The following SAMD9L variants were observed in gnomAD, a reference collection of about 807,000 sequenced individuals.
SAMD9L encodes the protein sterile alpha motif domain-containing protein 9-like.
In SAMD9L, 68 loss-of-function variants were observed where a neutral mutation model predicts 90.7. The ratio of observed to expected loss-of-function variants is 0.75; its 90% CI spans 0.62 to 0.92. SAMD9L has a LOEUF of 0.92. Among genes scored for constraint, SAMD9L ranks in the 40% least tolerant of loss-of-function variants. The pLI is 0.00. For synonymous variants in SAMD9L, 640 were observed against 630.1 expected, an observed-to-expected ratio of 1.02 and a Z score of -0.23; for missense variants, 1,604 against 1,824.3, an observed-to-expected ratio of 0.88 and a Z score of 2.20.
rs762404990 is a variant in SAMD9L at position 93,132,479 on chromosome 7, C to A, written c.3493G>T (p.Glu1165Ter). Reference sequence around the variant, plus strand: ...TTACTATCAGTTTGCCTTTGGGATTCTTTGAAAGCTCTTGAGGCTTTTTCC... The same window carrying A: ...TTACTATCAGTTTGCCTTTGGGATTATTTGAAAGCTCTTGAGGCTTTTTCC... ...AAEKASRAFK[E>*]SQRQTDSKNY... The change falls in exon 5 of 5, where the codon GAA becomes TAA. Residue 1165 changes from glutamate (E) to a stop codon, truncating the protein, a stop_gained. Transcript: ENST00000318238. LOFTEE classifies it high-confidence loss of function. The A allele has an allele frequency of 9.3e-6, 15 of 1,613,556 alleles. No homozygotes were observed. Among genetic ancestry groups the A allele is most frequent in the Non-Finnish European group, 1.2e-5 (14 of 1,179,776 alleles).
In SAMD9L at chr7:93,131,983, T is replaced by A; in HGVS notation, c.3989A>T (p.Lys1330Ile). 6.2e-7 allele frequency: 1 copy of A among 1,611,768 alleles called. No individual in the cohort carries two copies. Among genetic ancestry groups the A allele is most frequent in the Non-Finnish European group, 8.5e-7 (1 of 1,179,354 alleles). Reference protein sequence around the residue: ...SQLLQEENCRKKLEALRADRF... With the variant: ...SQLLQEENCRIKLEALRADRF... ...ATCTGCTCTCAGAGCTTCTAGCTTT[T>A]TCCTGCAATTCTCCTCCTGGAGTAA... Residue 1330 changes from lysine (K) to isoleucine (I), a missense_variant, in exon 5 of 5, where the codon AAA (lysine) becomes ATA (isoleucine). This residue lies in a region of SAMD9L where 282 missense variants were observed against 329.6 expected (regional missense o/e 0.86). Transcript: ENST00000318238.
chr7:93,136,733 G>T (rs1792469219), intron 4 of SAMD9L, among the ~76,000 whole-genome samples: 1 of 152,344 alleles, frequency 6.6e-6, no homozygotes. Context: ...TGAATGGCAA[G>T]AGCTGCCTAT....
rs1792036416 is a variant in SAMD9L, at chr7:93,130,427, G to C, written c.*790C>G. On this transcript the variant is annotated 3_prime_UTR_variant, in exon 5 of 5. Transcript: ENST00000318238. ...GCATGTATATAGCACAGGTTGAGAAGTAAAGGGAACAAAGAGGGTAATGAA... is the reference window on the plus strand; with the variant it reads ...GCATGTATATAGCACAGGTTGAGAACTAAAGGGAACAAAGAGGGTAATGAA... The C allele has an allele frequency of 6.6e-6, 1 of 152,180 alleles. No individual in the cohort carries two copies. The highest frequency in any genetic ancestry group is 2.1e-4 in the South Asian group (1 of 4,828). The allele number at this position is 152,180 out of a possible 1,614,324, so 9.4% of individuals were successfully genotyped here.
Position 93,135,889 on chromosome 7 carries a change from T to C in SAMD9L, c.83A>G (p.Lys28Arg). Residue 28 changes from lysine to arginine, a missense_variant, in exon 5 of 5, where the codon AAG becomes AGG. Coordinates refer to ENST00000318238, the MANE Select transcript of SAMD9L (RefSeq NM_152703.5). Reference sequence around the variant, plus strand: ...AATTTGCCCGTATTGCTCATTAATCTTAAGGTCTTCATTTACCCATTTTTT... The same window carrying C: ...AATTTGCCCGTATTGCTCATTAATCCTAAGGTCTTCATTTACCCATTTTTT... Reference protein sequence around the residue: ...HVKKWVNEDLKINEQYGQILL... With the variant: ...HVKKWVNEDLRINEQYGQILL... The C allele has an allele frequency of 6.2e-7, 1 of 1,613,786 alleles. No homozygotes were observed. The highest frequency in any genetic ancestry group is 8.5e-7 in the Non-Finnish European group (1 of 1,179,888).
Position 93,132,966 on chromosome 7 carries a change from T to C in SAMD9L, c.3006A>G (p.Arg1002=), listed in dbSNP as rs1244638168. ...IALYCLKELE[R]SYHLDKCQIA... is the part of the protein sequence containing the mutation. ...TTTGACATTTATCCAAGTGATAGCT[T>C]CTTTCCAGTTCTTTTAGACAGTACA... Residue 1002 remains arginine, a synonymous_variant, in exon 5 of 5, where the codon AGA becomes AGG. Coordinates refer to ENST00000318238, the MANE Select transcript of SAMD9L (RefSeq NM_152703.5). 6.2e-7 allele frequency: 1 copy of C among 1,613,516 alleles called. No homozygotes were observed. The highest frequency in any genetic ancestry group is 8.5e-7 in the Non-Finnish European group (1 of 1,179,674).
Position 93,146,386 on chromosome 7 carries a change from A to C in SAMD9L, c.-778-346T>G, listed in dbSNP as rs77706229. On this transcript the variant is annotated intron_variant, in intron 2 of 4. Transcript: ENST00000318238. Reference sequence around the variant, plus strand: ...TTTATCCCACCTCCCAACATTTCCTATCCCTCTTCTGGCTTCATTTTTTAT... The same window carrying C: ...TTTATCCCACCTCCCAACATTTCCTCTCCCTCTTCTGGCTTCATTTTTTAT... 5.4e-3 allele frequency among the ~76,000 whole-genome samples: 829 copies of C among 152,244 alleles called. 18 individuals carry two copies. Among genetic ancestry groups the C allele is most frequent in the Admixed American group, 0.026 (398 of 15,300 alleles).
chr7:93,146,036 T>A lies in SAMD9L; in HGVS notation c.-774A>T, dbSNP rs1792878194. The stretch of plus-strand genomic sequence containing the variant: ...GGACTTCTCAAAAAAGCAGCCGGAA[T>A]GACCCTGTTAAAATGTAAACATCAT... On this transcript the variant is annotated 5_prime_UTR_variant, in exon 3 of 5. Coordinates refer to ENST00000318238, the MANE Select transcript of SAMD9L (RefSeq NM_152703.5). 6.6e-6 allele frequency: 1 copy of A among 152,266 alleles called. No individual in the cohort carries two copies. Among genetic ancestry groups the A allele is most frequent in the South Asian group, 2.1e-4 (1 of 4,830 alleles). 9.4% of individuals were successfully genotyped at this position (152,266 alleles called of 1,614,324 possible). A position where few individuals can be genotyped will look rare whatever the true frequency, so the allele number is the denominator to read the frequency against.
At position 93,131,980 on chromosome 7, in the gene SAMD9L, T is replaced by G; in HGVS notation, c.3992A>C (p.Lys1331Thr). 9 of 1,611,750 alleles carry G rather than the reference T, an allele frequency of 5.6e-6. No individual in the cohort carries two copies. Among genetic ancestry groups the G allele is most frequent in the Non-Finnish European group, 7.6e-6 (9 of 1,179,356 alleles). ...QLLQEENCRK[K>T]LEALRADRFA... ...CCTATCTGCTCTCAGAGCTTCTAGCTTTTTCCTGCAATTCTCCTCCTGGAG... is the reference window on the plus strand; with the variant it reads ...CCTATCTGCTCTCAGAGCTTCTAGCGTTTTCCTGCAATTCTCCTCCTGGAG... The change falls in exon 5 of 5, where the codon AAG (lysine) becomes ACG (threonine). Residue 1331 changes from lysine (K) to threonine (T), a missense_variant. Lys to Thr is a moderately conservative substitution (Grantham distance 78). Around this residue, in one of 7 missense-constraint regions of SAMD9L, gnomAD observed 282 missense variants for 329.6 expected, o/e 0.86. Transcript: ENST00000318238.
chr7:93,138,301 T>C (rs1035728556), intron 4 of SAMD9L, among the ~76,000 whole-genome samples: 1 of 152,238 alleles, frequency 6.6e-6, no homozygotes, highest in Non-Finnish European at 1.5e-5. Flanking sequence ...TCATTCATTC[T>C]ACACATATTT....
Position 93,135,788 on chromosome 7 carries a change from A to G in SAMD9L, c.184T>C (p.Trp62Arg), listed in dbSNP as rs781141608. The G allele has an allele frequency of 7.4e-6, 12 of 1,613,936 alleles. No homozygotes were observed. The African/African-American group carries it at 9.3e-5, about 13-fold the overall frequency. The change falls in exon 5 of 5, where the codon TGG becomes CGG. Residue 62 changes from tryptophan to arginine, a missense_variant. Trp to Arg is a moderately radical substitution (Grantham distance 101). Around this residue, in one of 7 missense-constraint regions of SAMD9L, gnomAD observed 374 missense variants for 363.6 expected, o/e 1.03. Transcript: ENST00000318238. ...CGTTTTATCAAAAGTGCTGGACCCC[A>G]TGGTAGCCCCATTTCTACAAGGTCC... ...EKDLVEMGLP[W>R]GPALLIKRSY... is the part of the protein sequence containing the mutation.
In SAMD9L at chr7:93,135,292, G is replaced by A; in HGVS notation, c.680C>T (p.Ala227Val). ...FSNEVFRFAS[A>V]CMNSRTNGTI... ...GCCATTGGTGCGTGAATTCATACAA[G>A]CTGATGCAAATCGGAAGACTTCATT... Residue 227 changes from alanine (A) to valine (V), a missense_variant, in exon 5 of 5, where the codon GCT (alanine) becomes GTT (valine). Ala to Val is a moderately conservative substitution (Grantham distance 64, BLOSUM62 0). This residue lies in a region of SAMD9L where 374 missense variants were observed against 363.6 expected (regional missense o/e 1.03). Coordinates refer to ENST00000318238, the MANE Select transcript of SAMD9L (RefSeq NM_152703.5). 1 of 1,614,094 alleles carries A rather than the reference G, an allele frequency of 6.2e-7. No homozygotes were observed. The highest frequency in any genetic ancestry group is 8.5e-7 in the Non-Finnish European group (1 of 1,179,962).
In SAMD9L at chr7:93,131,112, T is replaced by G; in HGVS notation, c.*105A>C. 1 of 709,850 alleles carries G rather than the reference T, an allele frequency of 1.4e-6. No homozygotes were observed. Among genetic ancestry groups the G allele is most frequent in the Admixed American group, 3.6e-5 (1 of 27,780 alleles). The allele number at this position is 709,850 out of a possible 1,614,324, so 44.0% of individuals were successfully genotyped here. A position where few individuals can be genotyped will look rare whatever the true frequency, so the allele number is the denominator to read the frequency against. ...AGGGAGGCAAAAGCAAAATCTGTAA[T>G]TAGAGGTTAGCCATAATGTTATGAA... is the stretch of plus-strand genomic sequence containing the variant. On this transcript the variant is annotated 3_prime_UTR_variant, in exon 5 of 5. Coordinates refer to ENST00000318238, the MANE Select transcript of SAMD9L (RefSeq NM_152703.5).
At position 93,133,339 on chromosome 7, in the gene SAMD9L, T is replaced by C; in HGVS notation, c.2633A>G (p.Lys878Arg). The C allele has an allele frequency of 1.2e-6, 2 of 1,613,168 alleles. 1 individual carries two copies. The highest frequency in any genetic ancestry group is 2.7e-5 in the African/African-American group (2 of 74,968). The change falls in exon 5 of 5, where the codon AAG (lysine) becomes AGG (arginine). Residue 878 changes from lysine to arginine, a missense_variant. By Grantham distance (26) the Lys-to-Arg change is conservative (BLOSUM62 2). Coordinates refer to ENST00000318238, the MANE Select transcript of SAMD9L (RefSeq NM_152703.5). ...AAAGTTTTCACAGTTCTTGTGCTGC[T>C]TTTCAATTTCCTTCAGTTTGGCACC... ...AFGAKLKEIEKQHKNCENFYS... is the reference protein window; with the variant it reads ...AFGAKLKEIERQHKNCENFYS...
At position 93,140,354 on chromosome 7, in the gene SAMD9L, C is replaced by T. The variant is rs201599765; in HGVS notation, c.-20-4363G>A. 4.0e-5 allele frequency among the ~76,000 whole-genome samples: 6 copies of T among 151,688 alleles called. No individual in the cohort carries two copies. In the East Asian group the frequency reaches 1.2e-3, roughly 30 times the overall value. ...TAACTGGAGCATGCTGGACAGTGGC[C>T]CTCCATACCCTGACTGGAGAATTGC... On this transcript the variant is annotated intron_variant, in intron 4 of 4. Transcript: ENST00000318238.
chr7:93,145,820 T>A lies in SAMD9L; in HGVS notation c.-558A>T, dbSNP rs1481976772. On this transcript the variant is annotated 5_prime_UTR_variant, in exon 3 of 5. Coordinates refer to ENST00000318238, the MANE Select transcript of SAMD9L (RefSeq NM_152703.5). ...TAAAACTCAAAAAGTATGTGACAGG[T>A]ACACTTTATCTCTCTTCCAGCATTC... is the stretch of plus-strand genomic sequence containing the variant. The A allele has an allele frequency of 2.6e-5, 4 of 152,180 alleles. No individual in the cohort carries two copies. The highest frequency in any genetic ancestry group is 4.1e-4 in the South Asian group (2 of 4,828). 9.4% of individuals were successfully genotyped at this position (152,180 alleles called of 1,614,324 possible).
At position 93,135,233 on chromosome 7, in the gene SAMD9L, C is replaced by T. The variant is rs754004813; in HGVS notation, c.739G>A (p.Gly247Arg). 6.2e-7 allele frequency: 1 copy of T among 1,614,068 alleles called. No homozygotes were observed. Among genetic ancestry groups the T allele is most frequent in the South Asian group, 1.1e-5 (1 of 91,078 alleles). ...IHFGVKDKPH[G>R]EIVGVKITSK... is the part of the protein sequence containing the mutation. The stretch of plus-strand genomic sequence containing the variant: ...GTGATTTTCACACCAACAATTTCTC[C>T]ATGGGGTTTGTCCTTGACTCCAAAA... Residue 247 changes from glycine to arginine, a missense_variant, in exon 5 of 5, where the codon GGA becomes AGA. Physicochemically the swap from Gly to Arg is moderately radical, Grantham distance 125 (BLOSUM62 -2). Transcript: ENST00000318238.
In SAMD9L at chr7:93,133,612, T is replaced by TAG. The variant is rs1342037037; in HGVS notation, c.2358_2359dup (p.Tyr787SerfsTer37). The TAG allele has an allele frequency of 6.2e-7, 1 of 1,613,670 alleles. No individual in the cohort carries two copies. The highest frequency in any genetic ancestry group is 8.5e-7 in the Non-Finnish European group (1 of 1,179,786). The stretch of plus-strand genomic sequence containing the variant: ...GTAATCCTGATGGCTCTTTGCCCTA[T>TAG]AGGTGACCAGATTGATCACTTGCTC... On this transcript the variant is annotated frameshift_variant, in exon 5 of 5. Transcript: ENST00000318238. LOFTEE classifies it high-confidence loss of function.
chr7:93,142,000 A>G (rs1792709239), intron 4 of SAMD9L, among the ~76,000 whole-genome samples: 1 of 152,082 alleles, frequency 6.6e-6, no homozygotes, highest in African/African-American at 2.4e-5. Flanking sequence ...CTGTTCCTCA[A>G]ACATGGCAGC....
rs747865043 is a variant in SAMD9L at position 93,134,648 on chromosome 7, C to G, written c.1324G>C (p.Ala442Pro). The change falls in exon 5 of 5, where the codon GCT (alanine) becomes CCT (proline). Residue 442 changes from alanine to proline, a missense_variant. This residue lies in a region of SAMD9L where 606 missense variants were observed against 717.6 expected (regional missense o/e 0.84). Transcript: ENST00000318238. ...LDFLKEIKWF[A>P]VLEFDPESMI... ...GATTCAGGATCAAACTCCAACACAG[C>G]AAACCATTTAATTTCTTTTAAAAAA... The G allele has an allele frequency of 3.1e-6, 5 of 1,613,940 alleles. No homozygotes were observed. The highest frequency in any genetic ancestry group is 4.2e-6 in the Non-Finnish European group (5 of 1,179,914).
Sources: allele counts gnomAD v4.1 joint callset (sites outside exome capture counted in the v4.1 genomes callset), GRCh38; gene constraint gnomAD v4.1.1; regional missense constraint gnomAD v4.1.1; transcripts MANE v1.5; gene names NCBI Gene and HGNC (gene_info 2026-07-23, HGNC 2026-07-21).